The following SLC5A4 variants were observed in gnomAD, a reference collection of about 807,000 sequenced individuals.
The protein encoded by SLC5A4 is solute carrier family 5 member 4.
Under a neutral mutation model 70.3 loss-of-function variants are expected in SLC5A4, and 55 were observed. The observed-to-expected ratio is 0.78, with a 90% CI of 0.63 to 0.98. The LOEUF is 0.98. SLC5A4 is among the 50% of genes least tolerant of loss of function. SLC5A4 has a pLI of 0.00. For synonymous variants in SLC5A4, 268 were observed against 305.7 expected, an observed-to-expected ratio of 0.88 and a Z score of 1.29; for missense variants, 735 against 839.2, an observed-to-expected ratio of 0.88 and a Z score of 1.53.
chr22:32,301,527 T>C, the SLC5A4 span, among the ~76,000 whole-genome samples: 1 of 152,164 alleles, frequency 6.6e-6, no homozygotes, highest in Non-Finnish European at 1.5e-5. Flanking sequence ...AAGGTCTAAA[T>C]AAATAAAAAG....
At position 32,251,633 on chromosome 22, in the gene SLC5A4, C is replaced by T. The variant is rs1459693079; in HGVS notation, c.312+137G>A. 7.0e-5 allele frequency: 45 copies of T among 639,786 alleles called. No homozygotes were observed. The East Asian group carries it at 1.3e-3, about 18-fold the overall frequency. 39.6% of individuals were successfully genotyped at this position (639,786 alleles called of 1,614,324 possible). Reference sequence around the variant, plus strand: ...GTCCCTCAGCCCTTGCACTTCCCAGCCTTCAGAGCTGTCAGAGATACATTT... The same window carrying T: ...GTCCCTCAGCCCTTGCACTTCCCAGTCTTCAGAGCTGTCAGAGATACATTT... On this transcript the variant is annotated intron_variant, in intron 3 of 14. Transcript: ENST00000266086.
chr22:32,241,839 C>CTG (rs750938000), intron 5 of SLC5A4, among the ~76,000 whole-genome samples: 5,198 of 114,102 alleles, frequency 0.046, 140 homozygotes, highest in African/African-American at 0.099. Flanking sequence ...ATATATATAT[C>CTG]TGTGTGTGTG....
intron 3 of SLC5A4, among the ~76,000 whole-genome samples, chr22:32,251,083 C>T (rs1927112959): frequency 7.0e-6 from 1 of 142,190 alleles, no homozygotes; most frequent in African/African-American, 2.7e-5. Flanking sequence ...TGTAACAAAC[C>T]TGCAGGTTCT....
At chr22:32,318,417 C>T in the SLC5A4 span, among the ~76,000 whole-genome samples, 15 of 152,146 alleles carry the variant, frequency 9.9e-5, no homozygotes, top group East Asian at 2.5e-3. Flanking sequence ...AAAATCCCAA[C>T]CTTCCTCCCC....
the SLC5A4 span, among the ~76,000 whole-genome samples, chr22:32,308,971 C>A: frequency 3.3e-5 from 5 of 152,166 alleles, no homozygotes; most frequent in Non-Finnish European, 7.4e-5. Context: ...GACAGTCTCA[C>A]TCTGTCGCCC....
the SLC5A4 span, among the ~76,000 whole-genome samples, chr22:32,308,186 TG>T: frequency 7.9e-5 from 12 of 152,062 alleles, no homozygotes; most frequent in African/African-American, 2.9e-4. Flanking sequence ...ATTTCAAACA[TG>T]GGGGAAATCT....
chr22:32,219,078 G>GAA (rs1924897496), intron 14 of SLC5A4, among the ~76,000 whole-genome samples: 18 of 152,054 alleles, frequency 1.2e-4, no homozygotes, highest in Admixed American at 1.2e-3. Flanking sequence ...ACAGTTGAAA[G>GAA]AAAAAAGACA....
chr22:32,227,038 C>T (rs1925443515), intron 11 of SLC5A4, among the ~76,000 whole-genome samples: 1 of 152,142 alleles, frequency 6.6e-6, no homozygotes, highest in African/African-American at 2.4e-5. Context: ...AGGTTACTTC[C>T]ATCCTTTCTT....
chr22:32,225,547 C>T, intron 12 of SLC5A4, 108 bp downstream of exon 12: 1 of 701,134 alleles, frequency 1.4e-6, no homozygotes. Flanking sequence ...TTAAGATGGG[C>T]CATGATTTGC....
At chr22:32,301,124 G>A in the SLC5A4 span, among the ~76,000 whole-genome samples, 14 of 152,198 alleles carry the variant, frequency 9.2e-5, no homozygotes, top group African/African-American at 2.6e-4. Context: ...CACTGCGCCC[G>A]GCTAATTTTT....
chr22:32,323,242 A>C, the SLC5A4 span, among the ~76,000 whole-genome samples: 3 of 151,624 alleles, frequency 2.0e-5, no homozygotes, highest in East Asian at 1.9e-4. Flanking sequence ...TGGACCCCGC[A>C]CCTCCTCACC....
chr22:32,292,607 T>C, the SLC5A4 span, among the ~76,000 whole-genome samples: 5 of 151,340 alleles, frequency 3.3e-5, no homozygotes, highest in Admixed American at 1.3e-4. Flanking sequence ...AAAATTCCTA[T>C]ATATATATAT....
chr22:32,302,993 G>A, the SLC5A4 span, among the ~76,000 whole-genome samples: 18,234 of 151,964 alleles, frequency 0.12, 1,486 homozygotes, highest in Non-Finnish European at 0.18. Context: ...TCCTTCAGCA[G>A]TGTTTTCTCT....
chr22:32,287,166 T>G, the SLC5A4 span, among the ~76,000 whole-genome samples: 1 of 152,142 alleles, frequency 6.6e-6, no homozygotes. Context: ...CAGTTTGAAC[T>G]AAAAAAGGCT....
At chr22:32,262,061 C>A in the SLC5A4 span, among the ~76,000 whole-genome samples, 1 of 152,194 alleles carries the variant, frequency 6.6e-6, no homozygotes, top group African/African-American at 2.4e-5. Context: ...TTTGCTTTAT[C>A]CATTCATTCG....
At chr22:32,274,928 T>TCCCC in the SLC5A4 span, among the ~76,000 whole-genome samples, 2 of 151,870 alleles carry the variant, frequency 1.3e-5, no homozygotes, top group African/African-American at 4.8e-5. Context: ...CAGTTCAACT[T>TCCCC]ATGAGTCCTT....
At chr22:32,251,661 G>A (rs1927167522) in intron 3 of SLC5A4, 109 bp downstream of exon 3, 1 of 775,290 alleles carries the variant, frequency 1.3e-6, no homozygotes, top group Admixed American at 2.1e-5. Flanking sequence ...ATACATTTCT[G>A]TTCTTTATAA....
At chr22:32,233,983 A>G (rs1005864464) in intron 8 of SLC5A4, among the ~76,000 whole-genome samples, 1 of 152,146 alleles carries the variant, frequency 6.6e-6, no homozygotes, top group Non-Finnish European at 1.5e-5. Context: ...ATTGTGATTG[A>G]CAGCTATTGG....
At chr22:32,270,749 G>A in the SLC5A4 span, 5 of 628,108 alleles carry the variant, frequency 8.0e-6, no homozygotes, top group Non-Finnish European at 1.2e-5. Context: ...AACATGCAGT[G>A]CACTGTAGGC....
Sources: gnomAD v4.1 joint callset for allele counts (sites outside exome capture counted in the v4.1 genomes callset) on GRCh38, gnomAD v4.1.1 for gene constraint, MANE v1.5 for transcripts, NCBI Gene and HGNC (gene_info 2026-07-23, HGNC 2026-07-21) for gene names.